IGSF3: variants seen among roughly 807,000 people sequenced by gnomAD.
IGSF3 encodes immunoglobulin superfamily member 3.
A neutral mutation model predicts 114.4 loss-of-function variants in IGSF3; 23 were observed. The ratio of observed to expected loss-of-function variants is 0.20; its 90% CI spans 0.14 to 0.28. The LOEUF (loss-of-function observed/expected upper bound fraction) is 0.28. Ranked by LOEUF, IGSF3 falls within the 10% of genes least tolerant of loss-of-function variation. IGSF3 has a pLI of 1.00. For missense variants in IGSF3, 1,172 were observed against 1,591.5 expected, an observed-to-expected ratio of 0.74 and a Z score of 4.48; for synonymous variants, 571 against 645.2, an observed-to-expected ratio of 0.88 and a Z score of 1.74.
At position 116,574,628 on chromosome 1, in the gene IGSF3, T is replaced by G. The variant is rs1419534214; in HGVS notation, c.*2684A>C. ...GAAAACTTGCTACAGAAACACCCGGTGAAAGAGGGTGTGGTCATATTCATG... is the reference window on the plus strand; with the variant it reads ...GAAAACTTGCTACAGAAACACCCGGGGAAAGAGGGTGTGGTCATATTCATG... On this transcript the variant is annotated 3_prime_UTR_variant, in exon 11 of 11. Transcript: ENST00000369486. This position sits in a 1 kb window ranked among gnomAD's most constrained non-coding sequence, Gnocchi z 5.2. The G allele has an allele frequency of 6.6e-6, 1 of 152,424 alleles. No homozygotes were observed. The highest frequency in any genetic ancestry group is 1.5e-5 in the Non-Finnish European group (1 of 67,978). The allele number at this position is 152,424 out of a possible 1,614,324, so 9.4% of individuals were successfully genotyped here.
chr1:116,649,697 G>C lies in IGSF3; in HGVS notation c.43+16587C>G, dbSNP rs1372127035. ...CCTTTTACTTTCTTCCCCTTCCAAA[G>C]AACCTGGTACCCAGCTACTTAATCC... On this transcript the variant is annotated intron_variant, in intron 2 of 10. Transcript: ENST00000369486. The surrounding 1 kb of genome is among the most constrained non-coding windows in gnomAD (Gnocchi z 4.5). Among the ~76,000 whole-genome samples the C allele has an allele frequency of 6.6e-6, 1 of 152,120 alleles. No homozygotes were observed. Among genetic ancestry groups the C allele is most frequent in the East Asian group, 1.9e-4 (1 of 5,198 alleles).
rs756241553 is a variant in IGSF3, at chr1:116,608,347, A to G, written c.833-16T>C. 24 of 1,606,538 alleles carry G rather than the reference A, an allele frequency of 1.5e-5. No individual in the cohort carries two copies. The Admixed American group carries it at 3.9e-4, about 26-fold the overall frequency. ...AATTCTTTGTCTGAGAGAACAAGTA[A>G]GAAAAGAGACACATCCTGGGTGAAT... On this transcript the variant is annotated splice_polypyrimidine_tract_variant and intron_variant, in intron 4 of 10. Transcript: ENST00000369486.
chr1:116,585,029 C>A lies in IGSF3; in HGVS notation c.2464G>T (p.Ala822Ser). 1 of 1,545,694 alleles carries A rather than the reference C, an allele frequency of 6.5e-7. No homozygotes were observed. Among genetic ancestry groups the A allele is most frequent in the South Asian group, 1.2e-5 (1 of 80,578 alleles). ...TCCAGAACCGACAGGTTCCCCTGGG[C>A]TTGGCTGAGCCTCAGGCGGCTGTCT... The part of the protein sequence containing the change: ...QPDSRLRLSQ[A>S]QGNLSVLETR... Residue 822 changes from alanine to serine, a missense_variant, in exon 9 of 11, where the codon GCC becomes TCC. Coordinates refer to ENST00000369486, the MANE Select transcript of IGSF3 (RefSeq NM_001007237.3). This position sits in a 1 kb window ranked among gnomAD's most constrained non-coding sequence, Gnocchi z 4.9.
At chr1:116,617,276 G>A in intron 2 of IGSF3, 1 of 972,840 alleles carries the variant, frequency 1.0e-6, no homozygotes, top group Non-Finnish European at 1.2e-6. Flanking sequence ...ACTTCTGCCT[G>A]CCTTCTCCAT....
chr1:116,616,323 A>G lies in IGSF3; in HGVS notation c.178T>C (p.Tyr60His). 6 of 1,612,196 alleles carry G rather than the reference A, an allele frequency of 3.7e-6. No homozygotes were observed. Among genetic ancestry groups the G allele is most frequent in the Non-Finnish European group, 5.1e-6 (6 of 1,179,934 alleles). ...PSEQNFQWSIYLPSSPEREVQ... is the reference protein window; with the variant it reads ...PSEQNFQWSIHLPSSPEREVQ... ...TCTCGCTCTGGCGACGAAGGCAGGT[A>G]AATGGACCACTGGAAATTCTGCTCA... The change falls in exon 3 of 11, where the codon TAC (tyrosine) becomes CAC (histidine). Residue 60 changes from tyrosine (Y) to histidine (H), a missense_variant. Around this residue, in one of 3 missense-constraint regions of IGSF3, gnomAD observed 736 missense variants for 1,042.0 expected, o/e 0.71. Transcript: ENST00000369486. This position sits in a 1 kb window ranked among gnomAD's most constrained non-coding sequence, Gnocchi z 6.6.
rs1557855990 is a variant in IGSF3 at position 116,584,456 on chromosome 1, G to GA, written c.2848+188dup. 1 of 602,510 alleles carries GA rather than the reference G, an allele frequency of 1.7e-6. No homozygotes were observed. The highest frequency in any genetic ancestry group is 1.8e-5 in the African/African-American group (1 of 54,130). The allele number at this position is 602,510 out of a possible 1,614,324, so 37.3% of individuals were successfully genotyped here. On this transcript the variant is annotated intron_variant, in intron 9 of 10. Transcript: ENST00000369486. This position sits in a 1 kb window ranked among gnomAD's most constrained non-coding sequence, Gnocchi z 5.8. ...ATCAAATCACCTTAGGCCAAAGCCA[G>GA]ACGTGCAATTTTCCATTCACAAGAA...
At chr1:116,591,572 A>G (rs1207989573) in intron 7 of IGSF3, among the ~76,000 whole-genome samples, 1 of 152,196 alleles carries the variant, frequency 6.6e-6, no homozygotes, top group African/African-American at 2.4e-5. Flanking sequence ...TTCCCATGTC[A>G]AAATATTGTG....
chr1:116,585,172 A>T lies in IGSF3; in HGVS notation c.2441-120T>A. The T allele has an allele frequency of 2.9e-6, 2 of 686,746 alleles. No homozygotes were observed. The allele number at this position is 686,746 out of a possible 1,614,324, so 42.5% of individuals were successfully genotyped here. On this transcript the variant is annotated intron_variant, in intron 8 of 10. Transcript: ENST00000369486. The surrounding 1 kb of genome is among the most constrained non-coding windows in gnomAD (Gnocchi z 4.9). ...ACAGAAGGACGGCAGCACACACTCC[A>T]TTAGGAGAAACGTTTCTCAGATGTG...
intron 2 of IGSF3, among the ~76,000 whole-genome samples, chr1:116,631,794 A>G (rs1229282899): frequency 1.3e-5 from 2 of 152,192 alleles, no homozygotes. Flanking sequence ...CATAGGGAGC[A>G]AAGGTCAACA....
In IGSF3 at chr1:116,634,352, A is replaced by G. The variant is rs969538172; in HGVS notation, c.44-17895T>C. Among the ~76,000 whole-genome samples the G allele has an allele frequency of 8.5e-5, 13 of 152,254 alleles. No homozygotes were observed. ...TAGCGGAGAGAACAACTAAAAAACA[A>G]GAGCCACGTGTTCCCATGGTCCTGG... On this transcript the variant is annotated intron_variant, in intron 2 of 10. Coordinates refer to ENST00000369486, the MANE Select transcript of IGSF3 (RefSeq NM_001007237.3). This position sits in a 1 kb window ranked among gnomAD's most constrained non-coding sequence, Gnocchi z 4.2.
rs889374855 is a variant in IGSF3, at chr1:116,667,715, C to G, written c.-728G>C. 6.6e-6 allele frequency: 1 copy of G among 151,596 alleles called. No homozygotes were observed. Among genetic ancestry groups the G allele is most frequent in the Non-Finnish European group, 1.5e-5 (1 of 67,878 alleles). 9.4% of individuals were successfully genotyped at this position (151,596 alleles called of 1,614,324 possible). On this transcript the variant is annotated 5_prime_UTR_variant, in exon 1 of 11. Coordinates refer to ENST00000369486, the MANE Select transcript of IGSF3 (RefSeq NM_001007237.3). Reference sequence around the variant, plus strand: ...CGCGCCGCTTCCTCTTCTCCCGCAACGGCACCAGCAGCCGCGCTGCGGCCC... The same window carrying G: ...CGCGCCGCTTCCTCTTCTCCCGCAAGGGCACCAGCAGCCGCGCTGCGGCCC...
intron 8 of IGSF3, among the ~76,000 whole-genome samples, chr1:116,587,936 T>C (rs764052127): frequency 2.0e-5 from 3 of 152,172 alleles, no homozygotes; most frequent in Admixed American, 6.5e-5. Flanking sequence ...TGTGAGAAGT[T>C]GAAAGGACTA....
At chr1:116,637,081 TC>T (rs1647861636) in intron 2 of IGSF3, among the ~76,000 whole-genome samples, 1 of 152,136 alleles carries the variant, frequency 6.6e-6, no homozygotes, top group African/African-American at 2.4e-5. Context: ...TTACTCACGC[TC>T]CCTTACTCTC....
intron 2 of IGSF3, among the ~76,000 whole-genome samples, chr1:116,621,805 G>A (rs188451370): frequency 7.4e-4 from 113 of 152,326 alleles, no homozygotes; most frequent in Middle Eastern, 6.8e-3. Flanking sequence ...GCAAGGTCCT[G>A]TCCTTTTAGA....
rs765418273 is a variant in IGSF3 at position 116,579,436 on chromosome 1, G to A, written c.3290C>T (p.Thr1097Met). ...PSPQKEWYRLTEEESAPIGIR... is the reference protein window; with the variant it reads ...PSPQKEWYRLMEEESAPIGIR... ...GCCGATGGGGGCTGACTCCTCCTCC[G>A]TCAGCCGGTACCATTCCTTCTGAGG... Residue 1097 changes from threonine to methionine, a missense_variant, in exon 10 of 11, where the codon ACG (threonine) becomes ATG (methionine). Transcript: ENST00000369486. The surrounding 1 kb of genome is among the most constrained non-coding windows in gnomAD (Gnocchi z 6.4). 46 of 1,603,330 alleles carry A rather than the reference G, an allele frequency of 2.9e-5. No homozygotes were observed. The highest frequency in any genetic ancestry group is 3.6e-5 in the Non-Finnish European group (42 of 1,173,904).
chr1:116,585,449 A>T lies in IGSF3; in HGVS notation c.2441-397T>A, dbSNP rs979678059. ...AGAAACCTCTGAAAAGCAAGAGTAA[A>T]CTTTTAAAACTGATCATATGGTGGC... On this transcript the variant is annotated intron_variant, in intron 8 of 10. Coordinates refer to ENST00000369486, the MANE Select transcript of IGSF3 (RefSeq NM_001007237.3). The surrounding 1 kb of genome is among the most constrained non-coding windows in gnomAD (Gnocchi z 4.9). 1.3e-5 allele frequency among the ~76,000 whole-genome samples: 2 copies of T among 152,162 alleles called. No homozygotes were observed. The highest frequency in any genetic ancestry group is 2.9e-5 in the Non-Finnish European group (2 of 68,026).
At position 116,605,824 on chromosome 1, in the gene IGSF3, CAGA is replaced by C. The variant is rs1360345824; in HGVS notation, c.1223-1802_1223-1800del. Among the ~76,000 whole-genome samples, 1 of 152,184 alleles carries C rather than the reference CAGA, an allele frequency of 6.6e-6. No individual in the cohort carries two copies. The highest frequency in any genetic ancestry group is 1.5e-5 in the Non-Finnish European group (1 of 68,036). On this transcript the variant is annotated intron_variant, in intron 5 of 10. Transcript: ENST00000369486. This position sits in a 1 kb window ranked among gnomAD's most constrained non-coding sequence, Gnocchi z 5.1. ...AGAAAATCCTTTCACTTGTATTAAGCAGAAGAATGACTTGCAGGACCTCACTCT... is the reference window on the plus strand; with the variant it reads ...AGAAAATCCTTTCACTTGTATTAAGCAGAATGACTTGCAGGACCTCACTCT...
chr1:116,642,674 G>A lies in IGSF3; in HGVS notation c.43+23610C>T, dbSNP rs1302993080. On this transcript the variant is annotated intron_variant, in intron 2 of 10. Transcript: ENST00000369486. The surrounding 1 kb of genome is among the most constrained non-coding windows in gnomAD (Gnocchi z 5.4). ...TGGAACTGGGCGCTCCGAGGCTGTG[G>A]GCCGGTGTCCTGCCCTGAAGAGCTT... is the stretch of plus-strand genomic sequence containing the variant. Among the ~76,000 whole-genome samples the A allele has an allele frequency of 6.6e-6, 1 of 152,238 alleles. No homozygotes were observed. The highest frequency in any genetic ancestry group is 2.4e-5 in the African/African-American group (1 of 41,462).
rs1250299360 is a variant in IGSF3, at chr1:116,651,698, A to G, written c.43+14586T>C. Among the ~76,000 whole-genome samples, 1 of 152,212 alleles carries G rather than the reference A, an allele frequency of 6.6e-6. No individual in the cohort carries two copies. The highest frequency in any genetic ancestry group is 1.5e-5 in the Non-Finnish European group (1 of 68,034). ...CCTATCAAAATGGCAATAAAGCTCA[A>G]CTTAATATTTACTCTATTCCAAGCA... is the stretch of plus-strand genomic sequence containing the variant. On this transcript the variant is annotated intron_variant, in intron 2 of 10. Transcript: ENST00000369486. This position sits in a 1 kb window ranked among gnomAD's most constrained non-coding sequence, Gnocchi z 4.4.
Sources: allele counts gnomAD v4.1 joint callset (sites outside exome capture counted in the v4.1 genomes callset), GRCh38; gene constraint gnomAD v4.1.1; regional missense constraint gnomAD v4.1.1; non-coding constraint Gnocchi (gnomAD v3.1); transcripts MANE v1.5; gene names NCBI Gene and HGNC (gene_info 2026-07-23, HGNC 2026-07-21).